The following ZNF407 variants were observed in gnomAD, a reference collection of about 807,000 sequenced individuals.
The protein encoded by ZNF407 is zinc finger protein 407.
In ZNF407, 17 loss-of-function variants were observed where a neutral mutation model predicts 131.2. That is an observed-to-expected ratio of 0.13 (90% CI 0.09 to 0.19). ZNF407 has a LOEUF of 0.19. Ranked by LOEUF, ZNF407 falls within the 10% of genes least tolerant of loss-of-function variation. ZNF407 has a pLI of 1.00. For missense variants in ZNF407, 2,681 were observed against 2,830.6 expected, an observed-to-expected ratio of 0.95 and a Z score of 1.20; for synonymous variants, 1,156 against 1,062.0, an observed-to-expected ratio of 1.09 and a Z score of -1.72.
intron 3 of ZNF407, among the ~76,000 whole-genome samples, chr18:74,739,116 G>T (rs999272604): frequency 1.3e-5 from 2 of 151,670 alleles, no homozygotes; most frequent in African/African-American, 4.8e-5. Flanking sequence ...TACGGCCACA[G>T]AATTTATCTC....
At position 74,770,390 on chromosome 18, in the gene ZNF407, C is replaced by T. The variant is rs1480427819; in HGVS notation, c.4803-11038C>T. On this transcript the variant is annotated intron_variant, in intron 3 of 8. Transcript: ENST00000299687. Reference sequence around the variant, plus strand: ...TCAGCCTGGGTAACAGAGGGAGTCCCTGTCTCAAAAAAATAACCAACCTTT... The same window carrying T: ...TCAGCCTGGGTAACAGAGGGAGTCCTTGTCTCAAAAAAATAACCAACCTTT... Among the ~76,000 whole-genome samples, 3 of 151,962 alleles carry T rather than the reference C, an allele frequency of 2.0e-5. No homozygotes were observed. In the East Asian group the frequency reaches 5.8e-4, roughly 29 times the overall value.
chr18:74,785,884 G>A (rs28698136), intron 4 of ZNF407, among the ~76,000 whole-genome samples: 17 of 102,334 alleles, frequency 1.7e-4, no homozygotes, highest in African/African-American at 2.8e-4. Flanking sequence ...CACATGGCAC[G>A]CACATGGCAC....
At chr18:74,827,494 A>G (rs578249269) in intron 4 of ZNF407, among the ~76,000 whole-genome samples, 2 of 150,602 alleles carry the variant, frequency 1.3e-5, no homozygotes, top group East Asian at 2.0e-4. Flanking sequence ...CTGATGCTCT[A>G]TCATCCCAGA....
At chr18:74,661,453 C>T (rs553079872) in intron 3 of ZNF407, among the ~76,000 whole-genome samples, 7 of 149,706 alleles carry the variant, frequency 4.7e-5, no homozygotes, top group Admixed American at 1.3e-4. Flanking sequence ...TAATCACATA[C>T]AAATCATTAA....
chr18:74,611,835 TG>T (rs1444118712), intron 1 of ZNF407, among the ~76,000 whole-genome samples: 2 of 152,174 alleles, frequency 1.3e-5, no homozygotes, highest in African/African-American at 4.8e-5. Context: ...ACTTTAAGGA[TG>T]GGCCAGGTTT....
chr18:74,752,114 T>C (rs1330853467), intron 3 of ZNF407, among the ~76,000 whole-genome samples: 3 of 152,248 alleles, frequency 2.0e-5, no homozygotes, highest in African/African-American at 7.2e-5. Context: ...TGCATTTCTC[T>C]GATGGCCAGT....
chr18:74,637,592 C>G (rs1314192474), intron 2 of ZNF407, among the ~76,000 whole-genome samples: 1 of 151,928 alleles, frequency 6.6e-6, no homozygotes, highest in African/African-American at 2.4e-5. Flanking sequence ...CCTGAGGACA[C>G]AATACGAGTC....
chr18:74,607,508 C>A (rs542639664), intron 1 of ZNF407, among the ~76,000 whole-genome samples: 1 of 151,868 alleles, frequency 6.6e-6, no homozygotes, highest in East Asian at 1.9e-4. Context: ...GAGTATTTCT[C>A]ACAGAGTCAC....
intron 8 of ZNF407, among the ~76,000 whole-genome samples, chr18:74,963,921 C>T (rs1972378510): frequency 6.6e-6 from 1 of 152,198 alleles, no homozygotes; most frequent in Admixed American, 6.5e-5. Flanking sequence ...GTTTGAATTG[C>T]TCTTCAGAAA....
chr18:74,996,517 G>A (rs938939885), intron 8 of ZNF407, among the ~76,000 whole-genome samples: 8 of 152,186 alleles, frequency 5.3e-5, no homozygotes, highest in African/African-American at 1.2e-4. Flanking sequence ...TTTAATAGTC[G>A]CAGATGCACA....
intron 7 of ZNF407, chr18:74,906,036 A>G (rs562163997): frequency 6.5e-6 from 1 of 153,236 alleles, no homozygotes; most frequent in African/African-American, 2.4e-5. Context: ...GACATTTACC[A>G]GTTTTGTACG....
chr18:74,867,454 A>C (rs1166830390), intron 4 of ZNF407, among the ~76,000 whole-genome samples: 1 of 152,172 alleles, frequency 6.6e-6, no homozygotes, highest in Admixed American at 6.5e-5. Flanking sequence ...CCTGTGCCCA[A>C]TGTTGTAGAA....
chr18:74,711,361 A>G (rs1967757451), intron 3 of ZNF407, among the ~76,000 whole-genome samples: 1 of 152,148 alleles, frequency 6.6e-6, no homozygotes, highest in South Asian at 2.1e-4. Context: ...AAACAGAGAG[A>G]CTATCTGGAG....
At chr18:74,740,864 G>A (rs1046865217) in intron 3 of ZNF407, among the ~76,000 whole-genome samples, 2 of 152,258 alleles carry the variant, frequency 1.3e-5, no homozygotes, top group South Asian at 2.1e-4. Flanking sequence ...CAGCACTGAG[G>A]AAGTAATCAA....
chr18:75,015,793 A>C (rs1461743108), intron 8 of ZNF407, among the ~76,000 whole-genome samples: 1 of 151,904 alleles, frequency 6.6e-6, no homozygotes, highest in Non-Finnish European at 1.5e-5. Context: ...AATTACTGGA[A>C]TTTCACATTT....
At chr18:74,835,628 G>GT (rs879264783) in intron 4 of ZNF407, among the ~76,000 whole-genome samples, 14,091 of 59,886 alleles carry the variant, frequency 0.24, 771 homozygotes, top group Non-Finnish European at 0.26. Flanking sequence ...GGACAGAGGG[G>GT]GGTGTGTGTG....
rs77877057 is a variant in ZNF407 at position 74,997,988 on chromosome 18, A to G, written c.5429-65162A>G. 8.0e-3 allele frequency among the ~76,000 whole-genome samples: 1,221 copies of G among 152,250 alleles called. 10 individuals are homozygous for G. Among genetic ancestry groups the G allele is most frequent in the African/African-American group, 0.022 (913 of 41,550 alleles). On this transcript the variant is annotated intron_variant, in intron 8 of 8. Coordinates refer to ENST00000299687, the MANE Select transcript of ZNF407 (RefSeq NM_017757.3). The stretch of plus-strand genomic sequence containing the variant: ...CTGTGTGGAGATCACTCTCACAGCC[A>G]TGATCTTGTGCAGCCTTTGCAGCAC...
rs757977534 is a variant in ZNF407 at position 74,877,283 on chromosome 18, C to T, written c.4964C>T (p.Pro1655Leu). The T allele has an allele frequency of 2.5e-6, 4 of 1,613,952 alleles. No individual in the cohort carries two copies. Among genetic ancestry groups the T allele is most frequent in the Non-Finnish European group, 3.4e-6 (4 of 1,179,870 alleles). Residue 1655 changes from proline to leucine, a missense_variant, in exon 5 of 9, where the codon CCG becomes CTG. This residue lies in a region of ZNF407 where 213 missense variants were observed against 332.2 expected (regional missense o/e 0.64). Coordinates refer to ENST00000299687, the MANE Select transcript of ZNF407 (RefSeq NM_017757.3). Reference sequence around the variant, plus strand: ...ATGAAACTCCACACGGGAGAAAAGCCGTTTAAATGTACCTGGCCCACGTGC... The same window carrying T: ...ATGAAACTCCACACGGGAGAAAAGCTGTTTAAATGTACCTGGCCCACGTGC... ...NHMKLHTGEK[P>L]FKCTWPTCHY...
chr18:74,692,114 C>A (rs34297302), intron 3 of ZNF407, among the ~76,000 whole-genome samples: 14,042 of 151,082 alleles, frequency 0.093, 936 homozygotes, highest in African/African-American at 0.19. Context: ...AAAATGTGTG[C>A]GTGTGTGGGT....
Sources: gnomAD v4.1 joint callset for allele counts (sites outside exome capture counted in the v4.1 genomes callset) on GRCh38, gnomAD v4.1.1 for gene constraint, gnomAD v4.1.1 regional missense constraint, MANE v1.5 for transcripts, NCBI Gene and HGNC (gene_info 2026-07-23, HGNC 2026-07-21) for gene names.